The following CA10 variants were observed in gnomAD, a reference collection of about 807,000 sequenced individuals.
The protein encoded by CA10 is carbonic anhydrase-related protein 10.
CA10 carries 14 observed loss-of-function variants against 44.2 expected under a neutral mutation model. The observed-to-expected ratio is 0.32, with a 90% CI of 0.21 to 0.50. The LOEUF (loss-of-function observed/expected upper bound fraction) is 0.50. Among genes scored for constraint, CA10 ranks in the 20% least tolerant of loss-of-function variants. The pLI is 0.99. For synonymous variants in CA10, 159 were observed against 141.6 expected, an observed-to-expected ratio of 1.12 and a Z score of -0.87; for missense variants, 350 against 409.7, an observed-to-expected ratio of 0.85 and a Z score of 1.26.
At chr17:51,939,911 T>A (rs528071880) in intron 2 of CA10, among the ~76,000 whole-genome samples, 37 of 152,248 alleles carry the variant, frequency 2.4e-4, no homozygotes, top group African/African-American at 7.5e-4. Flanking sequence ...GTTGGATTTG[T>A]TGATAATTTT....
At chr17:51,853,942 T>G (rs1003388501) in intron 3 of CA10, among the ~76,000 whole-genome samples, 3 of 152,178 alleles carry the variant, frequency 2.0e-5, no homozygotes, top group Non-Finnish European at 4.4e-5. Flanking sequence ...CTTTATAAAT[T>G]ACCCAGTCTC....
At chr17:52,114,718 T>C (rs535579021) in intron 1 of CA10, among the ~76,000 whole-genome samples, 2 of 152,308 alleles carry the variant, frequency 1.3e-5, no homozygotes, top group South Asian at 4.1e-4. Flanking sequence ...GGTAGTCTTC[T>C]TTCTGGCCTT....
intron 1 of CA10, among the ~76,000 whole-genome samples, chr17:52,101,604 AT>A (rs1988541744): frequency 6.6e-6 from 1 of 152,200 alleles, no homozygotes; most frequent in East Asian, 1.9e-4. Flanking sequence ...CTTGAAGACC[AT>A]CCATTTCACC....
rs577781821 is a variant in CA10, at chr17:51,942,280, G to A, written c.137-11148C>T. 2.0e-5 allele frequency among the ~76,000 whole-genome samples: 3 copies of A among 152,158 alleles called. No homozygotes were observed. The South Asian group carries it at 6.2e-4, about 32-fold the overall frequency. On this transcript the variant is annotated intron_variant, in intron 2 of 8. Transcript: ENST00000451037. ...GAGAAATAATCTTCATGCTGCCACT[G>A]AGTCTTGGAACCCAAACACAACACA...
chr17:51,639,505 A>G (rs1912987680), intron 6 of CA10, among the ~76,000 whole-genome samples: 1 of 152,150 alleles, frequency 6.6e-6, no homozygotes, highest in South Asian at 2.1e-4. Context: ...TATCACACAC[A>G]GCAGGTTTCC....
At chr17:51,814,064 T>G (rs1253416417) in intron 3 of CA10, among the ~76,000 whole-genome samples, 7 of 152,192 alleles carry the variant, frequency 4.6e-5, no homozygotes, top group African/African-American at 1.7e-4. Flanking sequence ...ATTTGTCATT[T>G]TAATTAATCT....
intron 2 of CA10, among the ~76,000 whole-genome samples, chr17:52,001,790 T>C (rs1288562659): frequency 1.3e-5 from 2 of 152,150 alleles, no homozygotes; most frequent in South Asian, 2.1e-4. Context: ...TTTAAGTTTC[T>C]ACCATTCACA....
chr17:51,717,682 T>TATAC, intron 4 of CA10, among the ~76,000 whole-genome samples: 1 of 101,744 alleles, frequency 9.8e-6, no homozygotes, highest in African/African-American at 3.5e-5. Context: ...TATATGTATA[T>TATAC]ATGTATACAT....
intron 2 of CA10, among the ~76,000 whole-genome samples, chr17:52,014,521 A>G (rs1186605623): frequency 6.6e-6 from 1 of 152,064 alleles, no homozygotes; most frequent in Non-Finnish European, 1.5e-5. Flanking sequence ...TAAAATTTAG[A>G]GAGAAGTATA....
intron 3 of CA10, among the ~76,000 whole-genome samples, chr17:51,885,714 G>C (rs191063174): frequency 6.6e-6 from 1 of 152,224 alleles, no homozygotes; most frequent in Non-Finnish European, 1.5e-5. Flanking sequence ...TCAACTGGGA[G>C]ATCTTTCAGA....
rs1907098849 is a variant in CA10 at position 51,805,604 on chromosome 17, A to C, written c.280-57786T>G. Among the ~76,000 whole-genome samples, 13 of 152,374 alleles carry C rather than the reference A, an allele frequency of 8.5e-5. 1 individual carries two copies. In the South Asian group the frequency reaches 2.7e-3, roughly 32 times the overall value. On this transcript the variant is annotated intron_variant, in intron 3 of 8. Coordinates refer to ENST00000451037, the MANE Select transcript of CA10 (RefSeq NM_020178.5). The stretch of plus-strand genomic sequence containing the variant: ...AAACTCCCCAAGAACATTTTTAAAA[A>C]CAGTTTTATTGAAGAATAATTTACA...
At chr17:51,740,700 A>G (rs1186725776) in intron 4 of CA10, among the ~76,000 whole-genome samples, 1 of 152,002 alleles carries the variant, frequency 6.6e-6, no homozygotes, top group East Asian at 1.9e-4. Context: ...TCACTCACAC[A>G]TGTGCTCATG....
At chr17:51,713,569 A>C (rs1417468104) in intron 4 of CA10, among the ~76,000 whole-genome samples, 1 of 152,210 alleles carries the variant, frequency 6.6e-6, no homozygotes, top group East Asian at 1.9e-4. Context: ...TAGCTTCCCT[A>C]ATCACTAGGC....
chr17:51,753,924 A>AC (rs1904982672), intron 3 of CA10, among the ~76,000 whole-genome samples: 1 of 151,642 alleles, frequency 6.6e-6, no homozygotes, highest in South Asian at 2.1e-4. Context: ...GCTCACTGCA[A>AC]CCTCCACCTC....
At chr17:51,835,579 G>A (rs970842426) in intron 3 of CA10, among the ~76,000 whole-genome samples, 2 of 152,288 alleles carry the variant, frequency 1.3e-5, no homozygotes, top group East Asian at 1.9e-4. Flanking sequence ...TAAGAAAGGC[G>A]TTGTTATCTT....
At chr17:51,713,628 A>G (rs1439230269) in intron 4 of CA10, among the ~76,000 whole-genome samples, 3 of 152,188 alleles carry the variant, frequency 2.0e-5, no homozygotes, top group Admixed American at 2.0e-4. Context: ...ATCTGTTGTT[A>G]TCTTGCCCAG....
At chr17:52,080,217 C>A (rs1987931401) in intron 1 of CA10, among the ~76,000 whole-genome samples, 1 of 152,092 alleles carries the variant, frequency 6.6e-6, no homozygotes, top group Admixed American at 6.5e-5. Context: ...CTTTGGGAGG[C>A]CAAGGTGGGC....
At chr17:51,921,399 A>G (rs16950799) in intron 3 of CA10, among the ~76,000 whole-genome samples, 23,137 of 152,218 alleles carry the variant, frequency 0.15, 1,965 homozygotes, top group South Asian at 0.3. Context: ...CAGCAGAGCT[A>G]GTTCTCCCCT....
At chr17:51,689,939 TCTA>T (rs1915131890) in intron 4 of CA10, among the ~76,000 whole-genome samples, 1 of 151,228 alleles carries the variant, frequency 6.6e-6, no homozygotes, top group South Asian at 2.1e-4. Flanking sequence ...ACACTTAAAA[TCTA>T]CTCTTACCGA....
Sources: gnomAD v4.1 joint callset for allele counts (sites outside exome capture counted in the v4.1 genomes callset) on GRCh38, gnomAD v4.1.1 for gene constraint, MANE v1.5 for transcripts, NCBI Gene and HGNC (gene_info 2026-07-23, HGNC 2026-07-21) for gene names.